The following SUGCT variants were observed in gnomAD, a reference collection of about 807,000 sequenced individuals.
The protein encoded by SUGCT is succinyl-CoA:glutarate-CoA transferase, also known as succinyl-CoA:glutarate CoA-transferase.
A neutral mutation model predicts 55.0 loss-of-function variants in SUGCT; 41 were observed. That is an observed-to-expected ratio of 0.74 (90% confidence interval 0.58 to 0.97). SUGCT has a LOEUF of 0.97. Ranked by LOEUF, SUGCT falls within the 50% of genes least tolerant of loss-of-function variation. SUGCT has a pLI of 0.00. For synonymous variants in SUGCT, 187 were observed against 200.4 expected, an observed-to-expected ratio of 0.93 and a Z score of 0.56; for missense variants, 568 against 547.8, an observed-to-expected ratio of 1.04 and a Z score of -0.37.
the SUGCT span, among the ~76,000 whole-genome samples, chr7:40,899,836 T>G: frequency 3.3e-5 from 5 of 152,190 alleles, no homozygotes; most frequent in South Asian, 1.0e-3. Context: ...AATTGAGTCT[T>G]TAACCTGCCA....
chr7:40,995,298 T>C, the SUGCT span, among the ~76,000 whole-genome samples: 1 of 152,104 alleles, frequency 6.6e-6, no homozygotes, highest in South Asian at 2.1e-4. Flanking sequence ...ATTAAGCAAA[T>C]TAGCACCCAC....
intron 6 of SUGCT, among the ~76,000 whole-genome samples, chr7:40,221,891 C>T (rs1788044330): frequency 6.6e-6 from 1 of 152,174 alleles, no homozygotes; most frequent in Admixed American, 6.5e-5. Context: ...AAAGGGGCTT[C>T]ACTGGGACCT....
At chr7:40,923,552 C>T in the SUGCT span, among the ~76,000 whole-genome samples, 1 of 152,168 alleles carries the variant, frequency 6.6e-6, no homozygotes, top group Non-Finnish European at 1.5e-5. Context: ...AAATAATTTT[C>T]AGAATTTCTG....
At position 40,854,484 on chromosome 7, in the gene SUGCT, C is replaced by CTCTTTCTT. The variant is rs150153135; in HGVS notation, c.1154-5819_1154-5812dup. 1.9e-3 allele frequency among the ~76,000 whole-genome samples: 197 copies of CTCTTTCTT among 106,190 alleles called. 1 individual carries two copies. The highest frequency in any genetic ancestry group is 6.8e-3 in the African/African-American group (189 of 27,740). 69.7% of individuals were successfully genotyped at this position (106,190 alleles called of 152,430 possible). A position where few individuals can be genotyped will look rare whatever the true frequency, so the allele number is the denominator to read the frequency against. On this transcript the variant is annotated intron_variant, in intron 13 of 13. Transcript: ENST00000335693. ...TCTTTCTTTCTTTCTTTCTCTTTCT[C>CTCTTTCTT]TCTTTCTTTCTTTCTTTCTTGTCCA...
chr7:40,800,974 G>A (rs1241984537), intron 13 of SUGCT, among the ~76,000 whole-genome samples: 2 of 152,180 alleles, frequency 1.3e-5, no homozygotes, highest in Non-Finnish European at 2.9e-5. Flanking sequence ...GAGCCAGGAA[G>A]TGCCACTGCC....
rs142885479 is a variant in SUGCT, at chr7:40,140,066, C to T, written c.100+4946C>T. Reference sequence around the variant, plus strand: ...TACAGGCATGCGCCACCATGCCCCGCGAATTTTTTGTGTGTTTAGTAGAGA... The same window carrying T: ...TACAGGCATGCGCCACCATGCCCCGTGAATTTTTTGTGTGTTTAGTAGAGA... On this transcript the variant is annotated intron_variant, in intron 1 of 13. Coordinates refer to ENST00000335693, the MANE Select transcript of SUGCT (RefSeq NM_001193313.2). 7.9e-5 allele frequency among the ~76,000 whole-genome samples: 12 copies of T among 152,118 alleles called. No homozygotes were observed. In the East Asian group the frequency reaches 1.7e-3, roughly 22 times the overall value.
chr7:40,778,310 A>G (rs1311984117), intron 13 of SUGCT, among the ~76,000 whole-genome samples: 4 of 152,238 alleles, frequency 2.6e-5, no homozygotes, highest in African/African-American at 9.6e-5. Context: ...AATCGTGACA[A>G]TCTACTTGAT....
chr7:40,236,194 A>T (rs1788997637), intron 6 of SUGCT, among the ~76,000 whole-genome samples: 2 of 152,002 alleles, frequency 1.3e-5, no homozygotes, highest in African/African-American at 4.8e-5. Flanking sequence ...AGTAGCTGGG[A>T]TTACAGGCGC....
intron 9 of SUGCT, among the ~76,000 whole-genome samples, chr7:40,414,786 T>C (rs1369147118): frequency 6.6e-6 from 1 of 151,992 alleles, no homozygotes; most frequent in Non-Finnish European, 1.5e-5. Context: ...CTCATGCCTG[T>C]AATTCCAGCA....
At chr7:40,246,207 T>C (rs1267870735) in intron 7 of SUGCT, among the ~76,000 whole-genome samples, 1 of 152,134 alleles carries the variant, frequency 6.6e-6, no homozygotes, top group Non-Finnish European at 1.5e-5. Flanking sequence ...CTTCTGATAC[T>C]ATATGCTAGC....
intron 13 of SUGCT, among the ~76,000 whole-genome samples, chr7:40,754,097 G>A (rs3857750): frequency 0.55 from 82,983 of 151,980 alleles, 24,430 homozygotes; most frequent in Admixed American, 0.71. Context: ...ATCTCTAAGT[G>A]TGAGTTTTAG....
At chr7:40,834,977 T>A (rs1792886579) in intron 13 of SUGCT, among the ~76,000 whole-genome samples, 1 of 151,994 alleles carries the variant, frequency 6.6e-6, no homozygotes, top group South Asian at 2.1e-4. Flanking sequence ...AAAAAAAAAA[T>A]TGGGACTTTT....
At chr7:40,191,163 T>C (rs575665781) in intron 5 of SUGCT, among the ~76,000 whole-genome samples, 1 of 152,098 alleles carries the variant, frequency 6.6e-6, no homozygotes, top group Non-Finnish European at 1.5e-5. Flanking sequence ...TCCACAGGTA[T>C]GTGCCACCAT....
chr7:40,151,723 C>T (rs1428865226), intron 1 of SUGCT: 3 of 171,712 alleles, frequency 1.7e-5, no homozygotes, highest in Non-Finnish European at 2.6e-5. Context: ...TCTTAGCTTC[C>T]TCAAGTCACT....
intron 1 of SUGCT, among the ~76,000 whole-genome samples, chr7:40,161,121 C>CT (rs1410925326): frequency 6.6e-6 from 1 of 152,108 alleles, no homozygotes; most frequent in Non-Finnish European, 1.5e-5. Flanking sequence ...TAATTTTTAC[C>CT]TTTACTACCT....
intron 12 of SUGCT, among the ~76,000 whole-genome samples, chr7:40,679,320 A>T (rs1324093886): frequency 2.6e-5 from 4 of 152,062 alleles, no homozygotes. Flanking sequence ...TTTGTTTAAG[A>T]TTTTTTCCAT....
rs1006133242 is a variant in SUGCT at position 40,188,425 on chromosome 7, C to T, written c.227-70C>T. On this transcript the variant is annotated intron_variant, in intron 3 of 13. Coordinates refer to ENST00000335693, the MANE Select transcript of SUGCT (RefSeq NM_001193313.2). ...CTCCAGCCTGGGCAACAGAGCAAGACTCCATCTCCAAAAAAAAAAAAAAAA... is the reference window on the plus strand; with the variant it reads ...CTCCAGCCTGGGCAACAGAGCAAGATTCCATCTCCAAAAAAAAAAAAAAAA... 217 of 1,036,682 alleles carry T rather than the reference C, an allele frequency of 2.1e-4. 3 individuals carry two copies. In the South Asian group the frequency reaches 3.0e-3, roughly 14 times the overall value. The allele number at this position is 1,036,682 out of a possible 1,614,324, so 64.2% of individuals were successfully genotyped here. A position where few individuals can be genotyped will look rare whatever the true frequency, so the allele number is the denominator to read the frequency against.
At chr7:41,001,160 T>C in the SUGCT span, among the ~76,000 whole-genome samples, 2 of 152,144 alleles carry the variant, frequency 1.3e-5, no homozygotes, top group African/African-American at 2.4e-5. Flanking sequence ...CTGAAAACAT[T>C]ACTCAGTTAA....
At chr7:40,787,060 G>T (rs190566742) in intron 13 of SUGCT, among the ~76,000 whole-genome samples, 2 of 152,282 alleles carry the variant, frequency 1.3e-5, no homozygotes, top group East Asian at 1.9e-4. Context: ...GAATTGAATT[G>T]TAAGTCCTGG....
Sources: allele counts gnomAD v4.1 joint callset (sites outside exome capture counted in the v4.1 genomes callset), GRCh38; gene constraint gnomAD v4.1.1; transcripts MANE v1.5; gene names NCBI Gene and HGNC (gene_info 2026-07-23, HGNC 2026-07-21).